Variants in TRAM1 observed in about 807,000 individuals in gnomAD.
TRAM1 encodes the protein translocating chain-associated membrane protein 1.
In TRAM1, 17 loss-of-function variants were observed where a neutral mutation model predicts 48.7. The ratio of observed to expected loss-of-function variants is 0.35; its 90% CI spans 0.24 to 0.52. The LOEUF is 0.52. Among genes scored for constraint, TRAM1 ranks in the 20% least tolerant of loss-of-function variants. TRAM1 has a pLI of 0.94. For synonymous variants in TRAM1, 182 were observed against 154.0 expected (o/e 1.18, Z -1.34); for missense variants, 351 against 441.5 (o/e 0.79, Z 1.84).
At chr8:70,589,161 A>C (rs954174961) in intron 6 of TRAM1, among the ~76,000 whole-genome samples, 6 of 152,220 alleles carry the variant, frequency 3.9e-5, no homozygotes, top group African/African-American at 7.2e-5. Flanking sequence ...TCTGAATATT[A>C]CAATTTACAG....
At chr8:70,590,155 A>AC (rs907108425) in intron 6 of TRAM1, among the ~76,000 whole-genome samples, 15 of 151,624 alleles carry the variant, frequency 9.9e-5, no homozygotes, top group African/African-American at 2.9e-4. Context: ...AAAAAAAAAA[A>AC]ACTAATTTGC....
chr8:70,584,729 G>A (rs1817167777), intron 8 of TRAM1, among the ~76,000 whole-genome samples: 3 of 152,070 alleles, frequency 2.0e-5, no homozygotes, highest in Non-Finnish European at 1.5e-5. Flanking sequence ...CAAGGGATGT[G>A]AAGGACCTCT....
In TRAM1 at chr8:70,573,271, C is replaced by G. The variant is rs186489422; in HGVS notation, c.*1661G>C. ...ATTTGGTTATGACCATCTATCCCCC[C>G]AGTAGTCCTCACCAATATTCTGTGG... On this transcript the variant is annotated 3_prime_UTR_variant, in exon 11 of 11. Transcript: ENST00000262213. 1.9e-3 allele frequency among the ~76,000 whole-genome samples: 296 copies of G among 152,290 alleles called. No homozygotes were observed. Among genetic ancestry groups the G allele is most frequent in the Non-Finnish European group, 3.7e-3 (254 of 68,028 alleles).
At chr8:70,585,221 A>C (rs1405168093) in intron 8 of TRAM1, among the ~76,000 whole-genome samples, 1 of 152,318 alleles carries the variant, frequency 6.6e-6, no homozygotes, top group Middle Eastern at 3.4e-3. Flanking sequence ...CTGGCTAGCC[A>C]TATGTAGAAA....
chr8:70,575,106 A>G, intron 10 of TRAM1, 101 bp from the exon 11 acceptor site: 1 of 830,286 alleles, frequency 1.2e-6, no homozygotes, highest in Non-Finnish European at 1.8e-6. Flanking sequence ...TGTAAAATCC[A>G]ATTCACTCAG....
chr8:70,600,214 AC>A lies in TRAM1; in HGVS notation c.124-133del. On this transcript the variant is annotated intron_variant, in intron 1 of 10. Coordinates refer to ENST00000262213, the MANE Select transcript of TRAM1 (RefSeq NM_014294.6). ...GCCTCCTCGTTCCTGTGGAATCCTG[AC>A]AGACACAATGGAAATTACTGATTGC... The A allele has an allele frequency of 4.6e-6, 3 of 652,514 alleles. No homozygotes were observed. The South Asian group carries it at 5.9e-5, about 13-fold the overall frequency. 40.4% of individuals were successfully genotyped at this position (652,514 alleles called of 1,614,324 possible). A position where few individuals can be genotyped will look rare whatever the true frequency, so the allele number is the denominator to read the frequency against.
intron 10 of TRAM1, among the ~76,000 whole-genome samples, chr8:70,581,683 A>G (rs577315916): frequency 1.2e-4 from 19 of 152,376 alleles, no homozygotes; most frequent in African/African-American, 4.3e-4. Flanking sequence ...ATCACGATTC[A>G]TAATAGCCAA....
intron 5 of TRAM1, among the ~76,000 whole-genome samples, 187 bp from the exon 6 acceptor site, chr8:70,594,777 T>C (rs17686100): frequency 0.07 from 10,588 of 152,218 alleles, 426 homozygotes; most frequent in Non-Finnish European, 0.078. Flanking sequence ...AGTCCCACCA[T>C]TGGACAAGAC....
At chr8:70,597,664 GT>G (rs1237967072) in intron 4 of TRAM1, among the ~76,000 whole-genome samples, 2 of 63,488 alleles carry the variant, frequency 3.2e-5, no homozygotes, top group Non-Finnish European at 5.1e-5. Context: ...GCGAGACTCT[GT>G]CTCAAAAAAA....
At chr8:70,589,530 CTTTTA>C (rs1220541093) in intron 6 of TRAM1, among the ~76,000 whole-genome samples, 1 of 152,148 alleles carries the variant, frequency 6.6e-6, no homozygotes, top group Non-Finnish European at 1.5e-5. Flanking sequence ...CAATGAAATA[CTTTTA>C]TTTAACTGTA....
At chr8:70,599,033 A>G (rs549502373) in intron 2 of TRAM1, among the ~76,000 whole-genome samples, 1 of 152,290 alleles carries the variant, frequency 6.6e-6, no homozygotes, top group African/African-American at 2.4e-5. Context: ...TAGGGAGGCA[A>G]GGATTGCTTG....
chr8:70,607,030 T>A, intron 1 of TRAM1: 1 of 889,518 alleles, frequency 1.1e-6, no homozygotes, highest in Non-Finnish European at 1.3e-6. Flanking sequence ...TCTCACTTGT[T>A]ACATGCAGGA....
At position 70,600,187 on chromosome 8, in the gene TRAM1, G is replaced by A. The variant is rs1817577405; in HGVS notation, c.124-105C>T. On this transcript the variant is annotated intron_variant, in intron 1 of 10. Transcript: ENST00000262213. The stretch of plus-strand genomic sequence containing the variant: ...ATCTGTCCCTAAATCGAAGCACCAA[G>A]GGCCTCCTCGTTCCTGTGGAATCCT... The A allele has an allele frequency of 3.7e-6, 3 of 815,998 alleles. No homozygotes were observed. The East Asian group carries it at 8.0e-5, about 22-fold the overall frequency. The allele number at this position is 815,998 out of a possible 1,614,324, so 50.5% of individuals were successfully genotyped here. A position where few individuals can be genotyped will look rare whatever the true frequency, so the allele number is the denominator to read the frequency against.
At chr8:70,597,870 C>T in intron 4 of TRAM1, 25 bp downstream of exon 4, 1 of 1,509,850 alleles carries the variant, frequency 6.6e-7, no homozygotes, top group Non-Finnish European at 9.0e-7. Context: ...GGAAGGAGAA[C>T]AACAACCTAA....
chr8:70,580,966 G>C (rs1048168594), intron 10 of TRAM1, among the ~76,000 whole-genome samples: 1 of 152,178 alleles, frequency 6.6e-6, no homozygotes, highest in Non-Finnish European at 1.5e-5. Context: ...ATAATTGAAA[G>C]AGATTAAAAG....
intron 6 of TRAM1, among the ~76,000 whole-genome samples, chr8:70,588,384 G>C (rs539869604): frequency 7.2e-5 from 11 of 152,192 alleles, no homozygotes; most frequent in African/African-American, 2.6e-4. Context: ...CCAGGCGTTT[G>C]AGTCTAGCCT....
intron 2 of TRAM1, 79 bp downstream of exon 2, chr8:70,599,940 C>T: frequency 9.7e-7 from 1 of 1,027,862 alleles, no homozygotes; most frequent in Non-Finnish European, 1.5e-6. Context: ...TAACGCAGGA[C>T]CTAGCATTCA....
At chr8:70,584,602 G>C (rs964750505) in intron 8 of TRAM1, among the ~76,000 whole-genome samples, 1 of 152,024 alleles carries the variant, frequency 6.6e-6, no homozygotes, top group South Asian at 2.1e-4. Flanking sequence ...ATACAAAATC[G>C]ATGTACAAAA....
At position 70,574,841 on chromosome 8, in the gene TRAM1, GT is replaced by G; in HGVS notation, c.*90del. ...TAGCAAAAATCAAAGAGCACAGACT[GT>G]ATTTTCAAGAACAGAAAAATCTCTA... On this transcript the variant is annotated 3_prime_UTR_variant, in exon 11 of 11. Coordinates refer to ENST00000262213, the MANE Select transcript of TRAM1 (RefSeq NM_014294.6). 1 of 928,456 alleles carries G rather than the reference GT, an allele frequency of 1.1e-6. No individual in the cohort carries two copies. The highest frequency in any genetic ancestry group is 1.7e-6 in the Non-Finnish European group (1 of 599,026). 57.5% of individuals were successfully genotyped at this position (928,456 alleles called of 1,614,324 possible).
Sources: allele counts gnomAD v4.1 joint callset (sites outside exome capture counted in the v4.1 genomes callset), GRCh38; gene constraint gnomAD v4.1.1; transcripts MANE v1.5; gene names NCBI Gene and HGNC (gene_info 2026-07-23, HGNC 2026-07-21).